Variants in MAGI2 observed in about 807,000 individuals in gnomAD.
The protein encoded by MAGI2 is membrane-associated guanylate kinase, WW and PDZ domain-containing protein 2.
A neutral mutation model predicts 133.3 loss-of-function variants in MAGI2; 35 were observed. The ratio of observed to expected loss-of-function variants is 0.26; its 90% CI spans 0.20 to 0.35. The LOEUF (loss-of-function observed/expected upper bound fraction) is 0.35. Ranked by LOEUF, MAGI2 falls within the 10% of genes least tolerant of loss-of-function variation. The pLI, the probability that MAGI2 is intolerant of heterozygous loss-of-function variation, is 1.00. For synonymous variants in MAGI2, 729 were observed against 710.6 expected, an observed-to-expected ratio of 1.03 and a Z score of -0.41; for missense variants, 1,636 against 1,863.4, an observed-to-expected ratio of 0.88 and a Z score of 2.25.
At chr7:78,154,806 G>A (rs933744298) in intron 16 of MAGI2, among the ~76,000 whole-genome samples, 2 of 152,186 alleles carry the variant, frequency 1.3e-5, no homozygotes, top group African/African-American at 4.8e-5. Context: ...ATAAGGACAG[G>A]TGCTACAGCT....
intron 1 of MAGI2, among the ~76,000 whole-genome samples, chr7:79,070,538 C>T (rs1191573970): frequency 6.6e-6 from 1 of 151,806 alleles, no homozygotes; most frequent in South Asian, 2.1e-4. Context: ...GTCACCCAGG[C>T]TGGAGTGCAG....
intron 12 of MAGI2, 90 bp from the exon 13 acceptor site, chr7:78,185,760 C>A: frequency 1.0e-6 from 1 of 962,496 alleles, no homozygotes; most frequent in Admixed American, 1.9e-5. Context: ...ATCATAACTC[C>A]CCCAACCACA....
chr7:78,801,236 GA>G (rs11302489), intron 2 of MAGI2, among the ~76,000 whole-genome samples: 128,287 of 151,990 alleles, frequency 0.84, 54,689 homozygotes, highest in East Asian at 0.96. Context: ...TAGAAACAAG[GA>G]AACTGCAAAT....
intron 2 of MAGI2, among the ~76,000 whole-genome samples, chr7:78,850,875 T>C (rs994465048): frequency 8.5e-5 from 13 of 152,108 alleles, no homozygotes; most frequent in African/African-American, 3.1e-4. Context: ...CGAACAAAGA[T>C]ACTGAATAGG....
At chr7:78,674,678 T>C (rs904426745) in intron 2 of MAGI2, among the ~76,000 whole-genome samples, 3 of 152,146 alleles carry the variant, frequency 2.0e-5, no homozygotes, top group African/African-American at 7.2e-5. Context: ...AATCAAATTA[T>C]TGTACAGAGA....
chr7:78,573,140 C>CAT (rs1332583845), intron 3 of MAGI2, among the ~76,000 whole-genome samples: 5 of 96,062 alleles, frequency 5.2e-5, no homozygotes, highest in Admixed American at 1.4e-4. Context: ...CACACATACA[C>CAT]ATATATATAT....
chr7:79,209,929 A>G (rs1406879641), intron 1 of MAGI2, among the ~76,000 whole-genome samples: 1 of 151,974 alleles, frequency 6.6e-6, no homozygotes, highest in Non-Finnish European at 1.5e-5. Context: ...ACTGAACTCT[A>G]TTTTATTTTT....
intron 10 of MAGI2, among the ~76,000 whole-genome samples, chr7:78,231,789 G>T (rs962852480): frequency 1.3e-5 from 2 of 152,162 alleles, no homozygotes; most frequent in Non-Finnish European, 2.9e-5. Context: ...GCTGAAGAAA[G>T]GATGTAATTT....
chr7:78,856,030 G>T (rs1455729162), intron 2 of MAGI2, among the ~76,000 whole-genome samples: 11 of 152,170 alleles, frequency 7.2e-5, no homozygotes, highest in Non-Finnish European at 1.6e-4. Context: ...TCATGTGTCT[G>T]TTGGCTGCAT....
At chr7:79,255,537 A>G (rs12532467) in intron 1 of MAGI2, among the ~76,000 whole-genome samples, 86,053 of 152,126 alleles carry the variant, frequency 0.57, 26,152 homozygotes, top group Non-Finnish European at 0.68. Context: ...ATTTAGAGAA[A>G]GAAACTTCGC....
At chr7:78,994,447 T>C (rs539779582) in intron 2 of MAGI2, among the ~76,000 whole-genome samples, 3 of 152,240 alleles carry the variant, frequency 2.0e-5, no homozygotes, top group South Asian at 4.1e-4. Flanking sequence ...AGAGGTCTTA[T>C]TTAACCCACT....
intron 2 of MAGI2, among the ~76,000 whole-genome samples, chr7:78,875,922 A>T (rs937595007): frequency 1.3e-5 from 2 of 152,204 alleles, no homozygotes; most frequent in African/African-American, 4.8e-5. Context: ...CATTCTACAG[A>T]TTAGATGTGG....
chr7:78,790,756 G>T lies in MAGI2; in HGVS notation c.419-163517C>A, dbSNP rs369013691. On this transcript the variant is annotated intron_variant, in intron 2 of 21. Transcript: ENST00000354212. ...GCCCTGTCATCATATTTAATATTAAGATTAATAACAATACAAGCAATAACA... is the reference window on the plus strand; with the variant it reads ...GCCCTGTCATCATATTTAATATTAATATTAATAACAATACAAGCAATAACA... Among the ~76,000 whole-genome samples, 6 of 151,992 alleles carry T rather than the reference G, an allele frequency of 3.9e-5. No individual in the cohort carries two copies. In the East Asian group the frequency reaches 7.7e-4, roughly 20 times the overall value.
intron 1 of MAGI2, among the ~76,000 whole-genome samples, chr7:79,239,497 C>A (rs1386543803): frequency 6.6e-6 from 1 of 152,088 alleles, no homozygotes; most frequent in Non-Finnish European, 1.5e-5. Context: ...CCGTAATACA[C>A]CCTGAGTTTG....
intron 18 of MAGI2, among the ~76,000 whole-genome samples, chr7:78,132,178 A>G (rs988205547): frequency 3.9e-5 from 6 of 152,160 alleles, no homozygotes; most frequent in African/African-American, 1.4e-4. Context: ...CTGGCTGCTA[A>G]TATTTACTAA....
intron 1 of MAGI2, among the ~76,000 whole-genome samples, chr7:79,016,002 G>C (rs979066259): frequency 4.1e-4 from 46 of 111,598 alleles, no homozygotes; most frequent in African/African-American, 8.7e-4. Flanking sequence ...GAGAAGCGGG[G>C]GGGGGGGGTG....
intron 2 of MAGI2, among the ~76,000 whole-genome samples, chr7:78,746,773 T>C (rs1303957117): frequency 1.3e-5 from 2 of 151,996 alleles, no homozygotes; most frequent in Non-Finnish European, 2.9e-5. Flanking sequence ...AGTCTGAGAG[T>C]TTTCTAGTTT....
chr7:79,202,168 A>G (rs1010349655), intron 1 of MAGI2, among the ~76,000 whole-genome samples: 26 of 152,118 alleles, frequency 1.7e-4, no homozygotes, highest in African/African-American at 6.0e-4. Flanking sequence ...ATTGGTCATT[A>G]TATATAATGA....
rs755952822 is a variant in MAGI2, at chr7:78,167,964, G to A, written c.2548C>T (p.Arg850Cys). Residue 850 changes from arginine (R) to cysteine (C), a missense_variant, in exon 15 of 22, where the codon CGC (arginine) becomes TGC (cysteine). Arg to Cys is a radical substitution (Grantham distance 180). Coordinates refer to ENST00000354212, the MANE Select transcript of MAGI2 (RefSeq NM_012301.4). ...YVIDLMHHAA[R>C]NGQVNLTVRR... ...ACAGTGAGGTTGACCTGCCCATTGC[G>A]GGCTGCGTGGTGCATGAGGTCGATG... 36 of 1,613,964 alleles carry A rather than the reference G, an allele frequency of 2.2e-5. No individual in the cohort carries two copies. The highest frequency in any genetic ancestry group is 7.7e-5 in the South Asian group (7 of 91,078).
Sources: gnomAD v4.1 joint callset for allele counts (sites outside exome capture counted in the v4.1 genomes callset) on GRCh38, gnomAD v4.1.1 for gene constraint, MANE v1.5 for transcripts, NCBI Gene and HGNC (gene_info 2026-07-23, HGNC 2026-07-21) for gene names.